Variants in COL19A1 observed in about 807,000 individuals in gnomAD.
The protein encoded by COL19A1 is collagen type XIX alpha 1 chain, also known as collagen alpha-1(XIX) chain.
Under a neutral mutation model 190.2 loss-of-function variants are expected in COL19A1, and 159 were observed. That is an observed-to-expected ratio of 0.84 (90% confidence interval 0.73 to 0.95). The LOEUF is 0.95. Ranked by LOEUF, COL19A1 falls within the 40% of genes least tolerant of loss-of-function variation. The pLI is 0.00. For synonymous variants in COL19A1, 509 were observed against 458.9 expected (o/e 1.11, Z -1.39); for missense variants, 1,418 against 1,431.9 (o/e 0.99, Z 0.16).
intron 13 of COL19A1, 118 bp from the exon 14 acceptor site, chr6:70,035,786 C>A: frequency 1.3e-6 from 1 of 754,018 alleles, no homozygotes; most frequent in Non-Finnish European, 2.2e-6. Context: ...GGATGAAGTT[C>A]TATTTTTCTA....
intron 6 of COL19A1, among the ~76,000 whole-genome samples, chr6:69,930,487 C>G (rs1010726037): frequency 3.9e-5 from 6 of 152,076 alleles, no homozygotes; most frequent in African/African-American, 7.2e-5. Flanking sequence ...ATTGAGTGTT[C>G]TATGTCCTGT....
intron 48 of COL19A1, among the ~76,000 whole-genome samples, chr6:70,193,278 T>C (rs1378170671): frequency 6.6e-6 from 1 of 152,198 alleles, no homozygotes; most frequent in African/African-American, 2.4e-5. Flanking sequence ...CTGTGGCTAC[T>C]CTCATGAAGG....
intron 48 of COL19A1, among the ~76,000 whole-genome samples, chr6:70,195,795 C>A (rs1767160738): frequency 1.3e-5 from 2 of 152,190 alleles, no homozygotes; most frequent in Non-Finnish European, 2.9e-5. Context: ...TATTCCTCTA[C>A]TTCTAGTCTA....
chr6:70,049,531 G>A (rs1053061636), intron 14 of COL19A1, among the ~76,000 whole-genome samples: 10 of 151,864 alleles, frequency 6.6e-5, no homozygotes, highest in African/African-American at 1.7e-4. Flanking sequence ...TATCTCTTTC[G>A]TTAGATGATT....
At chr6:70,030,188 C>G (rs1397922989) in intron 12 of COL19A1, among the ~76,000 whole-genome samples, 1 of 152,180 alleles carries the variant, frequency 6.6e-6, no homozygotes, top group Non-Finnish European at 1.5e-5. Flanking sequence ...CCTTCCCCTC[C>G]TCCCTGCCCA....
intron 20 of COL19A1, among the ~76,000 whole-genome samples, chr6:70,141,579 A>G (rs1786252194): frequency 1.3e-5 from 2 of 152,102 alleles, no homozygotes; most frequent in African/African-American, 4.8e-5. Context: ...CTGGGACATG[A>G]GATTAGTTGG....
chr6:70,019,685 A>G (rs1327001363), intron 11 of COL19A1, among the ~76,000 whole-genome samples: 1 of 152,008 alleles, frequency 6.6e-6, no homozygotes, highest in Non-Finnish European at 1.5e-5. Flanking sequence ...AGAATGATTT[A>G]TTTTATTTGT....
intron 11 of COL19A1, among the ~76,000 whole-genome samples, chr6:70,001,873 A>T (rs1367951882): frequency 6.6e-6 from 1 of 152,114 alleles, no homozygotes; most frequent in East Asian, 1.9e-4. Flanking sequence ...CTGTTGCCTG[A>T]TTGCCCTGGC....
chr6:70,104,412 T>A (rs917324871), intron 16 of COL19A1, among the ~76,000 whole-genome samples: 3 of 151,982 alleles, frequency 2.0e-5, no homozygotes, highest in African/African-American at 7.3e-5. Flanking sequence ...AAGCGGGAAG[T>A]GCACTTTTAA....
intron 16 of COL19A1, among the ~76,000 whole-genome samples, chr6:70,108,493 T>C (rs947388959): frequency 2.0e-5 from 3 of 152,152 alleles, no homozygotes; most frequent in Non-Finnish European, 4.4e-5. Flanking sequence ...CAATAGCTCT[T>C]TGAAGGATGT....
intron 9 of COL19A1, among the ~76,000 whole-genome samples, chr6:69,956,952 TA>T (rs1483415978): frequency 6.6e-6 from 1 of 151,950 alleles, no homozygotes; most frequent in South Asian, 2.1e-4. Flanking sequence ...GTCTAACTGT[TA>T]AAAAAAATCA....
At chr6:70,171,910 G>A (rs1765523278) in intron 40 of COL19A1, 54 bp from the exon 41 acceptor site, 5 of 1,571,810 alleles carry the variant, frequency 3.2e-6, no homozygotes, top group Non-Finnish European at 4.4e-6. Flanking sequence ...GGAAACCAAT[G>A]CTTAAAAACA....
chr6:69,999,865 A>C (rs894704470), intron 11 of COL19A1, among the ~76,000 whole-genome samples: 2 of 152,054 alleles, frequency 1.3e-5, no homozygotes, highest in Non-Finnish European at 1.5e-5. Context: ...CTATATATGT[A>C]TTTTTTTAAT....
At chr6:70,178,130 G>C (rs972019051) in intron 42 of COL19A1, among the ~76,000 whole-genome samples, 4 of 152,200 alleles carry the variant, frequency 2.6e-5, no homozygotes, top group African/African-American at 9.7e-5. Flanking sequence ...ACTCACACAT[G>C]TAATCCCAGC....
chr6:69,962,331 G>A (rs1438711777), intron 10 of COL19A1, among the ~76,000 whole-genome samples: 5 of 152,166 alleles, frequency 3.3e-5, no homozygotes, highest in Non-Finnish European at 7.4e-5. Context: ...CACTGGTGTC[G>A]AAGGTAGAGC....
chr6:70,066,235 G>A (rs2150148137), intron 14 of COL19A1, among the ~76,000 whole-genome samples: 1 of 152,298 alleles, frequency 6.6e-6, no homozygotes, highest in South Asian at 2.1e-4. Flanking sequence ...TTAAGAAAAT[G>A]TGGCACATAT....
chr6:70,010,760 C>A (rs1388187007), intron 11 of COL19A1, among the ~76,000 whole-genome samples: 1 of 130,166 alleles, frequency 7.7e-6, no homozygotes, highest in African/African-American at 3.5e-5. Context: ...GATCAAACTG[C>A]AAGGCGGCAA....
intron 18 of COL19A1, 40 bp from the exon 19 acceptor site, chr6:70,137,645 T>C (rs747789232): frequency 1.9e-6 from 3 of 1,595,040 alleles, no homozygotes; most frequent in Non-Finnish European, 1.7e-6. Context: ...AATGCTTCTC[T>C]AACCATCTGC....
At chr6:69,925,852 C>T (rs942227237) in intron 4 of COL19A1, among the ~76,000 whole-genome samples, 89 of 152,160 alleles carry the variant, frequency 5.8e-4, no homozygotes, top group African/African-American at 2.1e-3. Context: ...GAAGTAATTG[C>T]AAATGGGAGT....
Sources: allele counts gnomAD v4.1 joint callset (sites outside exome capture counted in the v4.1 genomes callset), GRCh38; gene constraint gnomAD v4.1.1; transcripts MANE v1.5; gene names NCBI Gene and HGNC (gene_info 2026-07-23, HGNC 2026-07-21).